Variants in JAM3 observed in about 807,000 individuals in gnomAD.
JAM3 encodes the protein junctional adhesion molecule C.
A neutral mutation model predicts 39.4 loss-of-function variants in JAM3; 31 were observed. The ratio of observed to expected loss-of-function variants is 0.79; its 90% CI spans 0.59 to 1.06. The LOEUF is 1.06. JAM3 is among the 50% of genes least tolerant of loss of function. The pLI is 0.00. For missense variants in JAM3, 455 were observed against 391.4 expected, an observed-to-expected ratio of 1.16 and a Z score of -1.37; for synonymous variants, 182 against 148.7, an observed-to-expected ratio of 1.22 and a Z score of -1.63.
At chr11:134,086,075 A>G (rs186952945) in intron 1 of JAM3, among the ~76,000 whole-genome samples, 2 of 152,330 alleles carry the variant, frequency 1.3e-5, no homozygotes, top group Admixed American at 6.5e-5. Context: ...TTTGAGCCCT[A>G]TCGTATTAAT....
rs570018377 is a variant in JAM3, at chr11:134,102,616, A to G, written c.76+33457A>G. 7.2e-5 allele frequency among the ~76,000 whole-genome samples: 11 copies of G among 152,316 alleles called. No individual in the cohort carries two copies. In the East Asian group the frequency reaches 1.9e-3, roughly 27 times the overall value. ...ATCGCAAAGAAGCTAAAAACCTTGA[A>G]AAAAGATTAGACAAATGGCTAACTA... is the stretch of plus-strand genomic sequence containing the variant. On this transcript the variant is annotated intron_variant, in intron 1 of 8. Coordinates refer to ENST00000299106, the MANE Select transcript of JAM3 (RefSeq NM_032801.5).
chr11:134,125,489 C>A (rs944258568), intron 1 of JAM3, among the ~76,000 whole-genome samples: 3 of 151,778 alleles, frequency 2.0e-5, no homozygotes, highest in Non-Finnish European at 2.9e-5. Context: ...TATTGTATTT[C>A]TTCTTATAAG....
intron 1 of JAM3, among the ~76,000 whole-genome samples, chr11:134,134,929 A>G (rs560440777): frequency 2.6e-5 from 4 of 152,016 alleles, no homozygotes; most frequent in South Asian, 2.1e-4. Context: ...TGCTTTGTAC[A>G]TATTTTCTCC....
intron 1 of JAM3, among the ~76,000 whole-genome samples, chr11:134,083,009 T>A (rs1469190765): frequency 6.6e-6 from 1 of 152,270 alleles, no homozygotes; most frequent in Admixed American, 6.5e-5. Flanking sequence ...ATTTTATGGA[T>A]GATGACTATT....
chr11:134,120,964 G>A (rs1565495976), intron 1 of JAM3, among the ~76,000 whole-genome samples: 1 of 152,212 alleles, frequency 6.6e-6, no homozygotes, highest in Admixed American at 6.5e-5. Context: ...CAGGAAAGCA[G>A]GCGTCATCCT....
rs915888894 is a variant in JAM3, at chr11:134,125,111, G to T, written c.77-14740G>T. On this transcript the variant is annotated intron_variant, in intron 1 of 8. Coordinates refer to ENST00000299106, the MANE Select transcript of JAM3 (RefSeq NM_032801.5). The stretch of plus-strand genomic sequence containing the variant: ...GTGGTGTCGCCTCCCGAGGTGCACG[G>T]CCGCCGCCACTGCTGCTCCAGCCGC... 2.6e-5 allele frequency among the ~76,000 whole-genome samples: 4 copies of T among 152,202 alleles called. No individual in the cohort carries two copies. In the East Asian group the frequency reaches 5.8e-4, roughly 22 times the overall value.
At chr11:134,074,387 C>G (rs1941531504) in intron 1 of JAM3, among the ~76,000 whole-genome samples, 1 of 152,120 alleles carries the variant, frequency 6.6e-6, no homozygotes, top group African/African-American at 2.4e-5. Flanking sequence ...AAATTTGGCA[C>G]TAGTAATGGG....
At chr11:134,117,276 C>G (rs998933759) in intron 1 of JAM3, among the ~76,000 whole-genome samples, 1 of 152,140 alleles carries the variant, frequency 6.6e-6, no homozygotes. Flanking sequence ...ACTCAGGAGG[C>G]TGAGGCAGAA....
intron 1 of JAM3, among the ~76,000 whole-genome samples, chr11:134,087,798 CA>C (rs1941769637): frequency 1.3e-5 from 2 of 152,172 alleles, no homozygotes; most frequent in Admixed American, 6.5e-5. Flanking sequence ...TTCGCATGGA[CA>C]TATAGGTTCT....
intron 1 of JAM3, among the ~76,000 whole-genome samples, chr11:134,097,675 T>G (rs999179908): frequency 1.3e-5 from 2 of 152,198 alleles, no homozygotes; most frequent in Non-Finnish European, 2.9e-5. Flanking sequence ...AAATTATGTT[T>G]CATTTAAACT....
intron 4 of JAM3, 34 bp downstream of exon 4, chr11:134,144,427 C>G (rs576404765): frequency 1.2e-6 from 2 of 1,611,548 alleles, no homozygotes; most frequent in East Asian, 4.5e-5. Flanking sequence ...ACATTGCCAC[C>G]ATAGGATGCA....
At chr11:134,076,311 C>T (rs1340490987) in intron 1 of JAM3, among the ~76,000 whole-genome samples, 1 of 151,752 alleles carries the variant, frequency 6.6e-6, no homozygotes, top group Non-Finnish European at 1.5e-5. Context: ...GCCGCCACCA[C>T]GCCTGGCTAA....
At chr11:134,092,961 G>A (rs1405334736) in intron 1 of JAM3, among the ~76,000 whole-genome samples, 1 of 147,602 alleles carries the variant, frequency 6.8e-6, no homozygotes, top group African/African-American at 2.5e-5. Flanking sequence ...GTCACTCCCT[G>A]AGAGAAGCTT....
chr11:134,126,450 G>A (rs2120798247), intron 1 of JAM3: 1 of 152,386 alleles, frequency 6.6e-6, no homozygotes, highest in South Asian at 2.1e-4. Context: ...GTCATCTGTT[G>A]CTGAGAGCTG....
intron 1 of JAM3, among the ~76,000 whole-genome samples, chr11:134,118,637 C>T (rs1050248237): frequency 6.6e-6 from 1 of 152,186 alleles, no homozygotes; most frequent in African/African-American, 2.4e-5. Flanking sequence ...TACTCTTCCT[C>T]CTCTCTCCCT....
rs147594690 is a variant in JAM3, at chr11:134,121,009, A to G, written c.77-18842A>G. Reference sequence around the variant, plus strand: ...CAATAGAGCTGTGTTTCTGTGCACCAACCGCAGATGCTGGGTCTGGCCCCC... The same window carrying G: ...CAATAGAGCTGTGTTTCTGTGCACCGACCGCAGATGCTGGGTCTGGCCCCC... On this transcript the variant is annotated intron_variant, in intron 1 of 8. Coordinates refer to ENST00000299106, the MANE Select transcript of JAM3 (RefSeq NM_032801.5). Among the ~76,000 whole-genome samples the G allele has an allele frequency of 7.0e-4, 107 of 151,842 alleles. 3 individuals carry two copies. In the East Asian group the frequency reaches 0.02, roughly 28 times the overall value.
At chr11:134,140,885 G>GT (rs370582772) in intron 3 of JAM3, 115 bp downstream of exon 3, 140,916 of 907,408 alleles carry the variant, frequency 0.16, 6 homozygotes, top group South Asian at 0.21. Flanking sequence ...AGCTAGGACC[G>GT]TTTTTTTTTT....
At position 134,082,520 on chromosome 11, in the gene JAM3, T is replaced by C. The variant is rs190494678; in HGVS notation, c.76+13361T>C. Among the ~76,000 whole-genome samples, 251 of 152,282 alleles carry C rather than the reference T, an allele frequency of 1.6e-3. 1 individual carries two copies. Among genetic ancestry groups the C allele is most frequent in the South Asian group, 2.7e-3 (13 of 4,814 alleles). ...CATGGGGTGGGTCTTTCTTGTGCTG[T>C]TCTCATGATAGTGAATCAGTTTTAT... On this transcript the variant is annotated intron_variant, in intron 1 of 8. Coordinates refer to ENST00000299106, the MANE Select transcript of JAM3 (RefSeq NM_032801.5).
At chr11:134,123,971 A>G (rs1186611288) in intron 1 of JAM3, 6 of 1,512,710 alleles carry the variant, frequency 4.0e-6, no homozygotes, top group East Asian at 2.3e-5. Context: ...ACTTCATTCC[A>G]TATTCAATCA....
Sources: gnomAD v4.1 joint callset for allele counts (sites outside exome capture counted in the v4.1 genomes callset) on GRCh38, gnomAD v4.1.1 for gene constraint, MANE v1.5 for transcripts, NCBI Gene and HGNC (gene_info 2026-07-23, HGNC 2026-07-21) for gene names.